SAMD8: variants seen among roughly 807,000 people sequenced by gnomAD.
SAMD8 encodes sterile alpha motif domain containing 8.
Under a neutral mutation model 42.0 loss-of-function variants are expected in SAMD8, and 20 were observed. The observed-to-expected ratio is 0.48, with a 90% CI of 0.34 to 0.69. The LOEUF is 0.69. Ranked by LOEUF, SAMD8 falls within the 30% of genes least tolerant of loss-of-function variation. The probability of loss-of-function intolerance (pLI) is 0.01; values close to 1 mark genes in which losing one functional copy is unlikely to be tolerated. For synonymous variants in SAMD8, 162 were observed against 173.0 expected (o/e 0.94, Z 0.50); for missense variants, 328 against 511.6 (o/e 0.64, Z 3.46).
At chr10:75,165,077 G>A (rs1840643677) in intron 3 of SAMD8, among the ~76,000 whole-genome samples, 1 of 150,106 alleles carries the variant, frequency 6.7e-6, no homozygotes, top group South Asian at 2.1e-4. Context: ...GATCACCTGA[G>A]GTTAGGAGTT....
In SAMD8 at chr10:75,111,729, G is replaced by A. The variant is rs969354816; in HGVS notation, c.-16+7G>A. 41 of 1,234,030 alleles carry A rather than the reference G, an allele frequency of 3.3e-5. No homozygotes were observed. Among genetic ancestry groups the A allele is most frequent in the Non-Finnish European group, 4.0e-5 (40 of 988,942 alleles). The allele number at this position is 1,234,030 out of a possible 1,614,324, so 76.4% of individuals were successfully genotyped here. A position where few individuals can be genotyped will look rare whatever the true frequency, so the allele number is the denominator to read the frequency against. On this transcript the variant is annotated splice_region_variant and intron_variant, in intron 1 of 5. Coordinates refer to ENST00000542569, the MANE Select transcript of SAMD8 (RefSeq NM_001174156.2). ...CCCGACTCGGACCGCGGAGGTGAGC[G>A]GGAGCTGAGGCTGAGGAGAGGGGAG...
chr10:75,112,463 G>A (rs937516460), intron 1 of SAMD8, among the ~76,000 whole-genome samples: 1 of 152,152 alleles, frequency 6.6e-6, no homozygotes, highest in African/African-American at 2.4e-5. Context: ...TTTCTCGTTC[G>A]TGCACAGTGG....
intron 2 of SAMD8, among the ~76,000 whole-genome samples, chr10:75,163,295 A>C (rs970662729): frequency 2.0e-5 from 3 of 152,160 alleles, no homozygotes; most frequent in Non-Finnish European, 4.4e-5. Context: ...AAAAGTTTTT[A>C]GTAGAAATGT....
chr10:75,139,385 G>T (rs1002907043), intron 1 of SAMD8, among the ~76,000 whole-genome samples: 1 of 152,062 alleles, frequency 6.6e-6, no homozygotes, highest in Non-Finnish European at 1.5e-5. Context: ...TCCACTTCTA[G>T]AAATTTAACC....
intron 1 of SAMD8, chr10:75,103,858 C>G (rs1848327890): frequency 7.8e-7 from 1 of 1,280,620 alleles, no homozygotes; most frequent in Non-Finnish European, 1.0e-6. Flanking sequence ...GGCCAAGAAG[C>G]CTGAGGGCTT....
At position 75,150,751 on chromosome 10, in the gene SAMD8, T is replaced by C. The variant is rs1370509863; in HGVS notation, c.223T>C (p.Leu75=). The change falls in exon 2 of 6, where the codon TTG becomes CTG. Residue 75 remains leucine (L), a synonymous_variant. Coordinates refer to ENST00000542569, the MANE Select transcript of SAMD8 (RefSeq NM_001174156.2). ...AAGGTTAATGCTCTCAGTCCGAAAA[T>C]TGCAGAAAATACATATTGATGTTTT... ...IKRLMLSVRK[L]QKIHIDVLEE... 1.9e-6 allele frequency: 3 copies of C among 1,614,174 alleles called. No homozygotes were observed. Among genetic ancestry groups the C allele is most frequent in the Non-Finnish European group, 2.5e-6 (3 of 1,180,032 alleles).
chr10:75,153,217 A>G (rs540322588), intron 2 of SAMD8, among the ~76,000 whole-genome samples: 3 of 151,918 alleles, frequency 2.0e-5, no homozygotes, highest in Non-Finnish European at 4.4e-5. Context: ...CCTGACCTCA[A>G]ATGATCCGCC....
At position 75,176,745 on chromosome 10, in the gene SAMD8, G is replaced by T. The variant is rs146376147; in HGVS notation, c.*53G>T. The T allele has an allele frequency of 7.4e-4, 1,005 of 1,350,546 alleles. 6 individuals are homozygous for T. The African/African-American group carries it at 0.012, about 16-fold the overall frequency. 83.7% of individuals were successfully genotyped at this position (1,350,546 alleles called of 1,614,324 possible). On this transcript the variant is annotated 3_prime_UTR_variant, in exon 6 of 6. Transcript: ENST00000542569. This position sits in a 1 kb window ranked among gnomAD's most constrained non-coding sequence, Gnocchi z 4.3. ...TAAATATATAATAGTTGTTGAAAATGAGTAACTTTGCGTTCTCCCCCTAGG... is the reference window on the plus strand; with the variant it reads ...TAAATATATAATAGTTGTTGAAAATTAGTAACTTTGCGTTCTCCCCCTAGG...
intron 3 of SAMD8, among the ~76,000 whole-genome samples, chr10:75,165,977 CAAAAAAAAAAAA>C (rs56839743): frequency 4.8e-5 from 3 of 62,532 alleles, no homozygotes; most frequent in Admixed American, 1.7e-4. Context: ...ACCCTGTCTC[CAAAAAAAAAAAA>C]AAAAAAAAAG....
At chr10:75,115,918 G>A (rs139930031) in intron 1 of SAMD8, among the ~76,000 whole-genome samples, 12,998 of 144,974 alleles carry the variant, frequency 0.09, 835 homozygotes, top group African/African-American at 0.18. Flanking sequence ...TCCAGCCTGG[G>A]CAACAGAGCG....
At chr10:75,117,718 A>C (rs984626886) in intron 1 of SAMD8, among the ~76,000 whole-genome samples, 1 of 152,156 alleles carries the variant, frequency 6.6e-6, no homozygotes, top group African/African-American at 2.4e-5. Flanking sequence ...ATGCTTTCTC[A>C]AACAAACAAA....
At chr10:75,161,192 G>A (rs1840550088) in intron 2 of SAMD8, among the ~76,000 whole-genome samples, 1 of 152,190 alleles carries the variant, frequency 6.6e-6, no homozygotes, top group Admixed American at 6.5e-5. Context: ...GATGAGAACA[G>A]AGCTGCCATG....
rs148645450 is a variant in SAMD8 at position 75,176,243 on chromosome 10, C to G, written c.943+27C>G. 1 of 1,613,962 alleles carries G rather than the reference C, an allele frequency of 6.2e-7. No individual in the cohort carries two copies. Among genetic ancestry groups the G allele is most frequent in the South Asian group, 1.1e-5 (1 of 91,062 alleles). Reference sequence around the variant, plus strand: ...TAAGTATCTTTTTAGTGCTTCTATGCGTATTAGGTAACTAGCTGCAGTGAA... The same window carrying G: ...TAAGTATCTTTTTAGTGCTTCTATGGGTATTAGGTAACTAGCTGCAGTGAA... On this transcript the variant is annotated intron_variant, in intron 5 of 5. Coordinates refer to ENST00000542569, the MANE Select transcript of SAMD8 (RefSeq NM_001174156.2). The surrounding 1 kb of genome is among the most constrained non-coding windows in gnomAD (Gnocchi z 4.3).
chr10:75,116,913 A>T (rs1396344081), intron 1 of SAMD8, among the ~76,000 whole-genome samples: 4 of 151,958 alleles, frequency 2.6e-5, no homozygotes, highest in Non-Finnish European at 5.9e-5. Flanking sequence ...GGGTTCAAGC[A>T]ATTCTCCCAC....
At chr10:75,172,183 T>A (rs1840883323) in intron 4 of SAMD8, among the ~76,000 whole-genome samples, 1 of 152,188 alleles carries the variant, frequency 6.6e-6, no homozygotes, top group Non-Finnish European at 1.5e-5. Context: ...TTTATGTTCT[T>A]ATTTTTTTAT....
chr10:75,105,783 G>A (rs774902253), intron 1 of SAMD8: 1 of 1,551,268 alleles, frequency 6.4e-7, no homozygotes, highest in Admixed American at 2.0e-5. Context: ...CCTGGCGCAG[G>A]GACAGCCGCT....
intron 2 of SAMD8, among the ~76,000 whole-genome samples, chr10:75,158,234 A>G (rs189174901): frequency 5.3e-5 from 8 of 152,070 alleles, no homozygotes; most frequent in African/African-American, 1.7e-4. Flanking sequence ...AGCAAAAAAT[A>G]AAAAAACAAA....
At chr10:75,122,645 C>A (rs1451867680) in intron 1 of SAMD8, among the ~76,000 whole-genome samples, 5 of 151,362 alleles carry the variant, frequency 3.3e-5, no homozygotes, top group African/African-American at 1.2e-4. Context: ...TGGCTGGGCA[C>A]TGTGGCTCTC....
At chr10:75,118,752 G>A (rs946315204) in intron 1 of SAMD8, among the ~76,000 whole-genome samples, 2 of 152,144 alleles carry the variant, frequency 1.3e-5, no homozygotes, top group African/African-American at 4.8e-5. Flanking sequence ...AAATAGTATG[G>A]AAAAAAGTTG....
Sources: allele counts gnomAD v4.1 joint callset (sites outside exome capture counted in the v4.1 genomes callset), GRCh38; gene constraint gnomAD v4.1.1; non-coding constraint Gnocchi (gnomAD v3.1); transcripts MANE v1.5; gene names NCBI Gene and HGNC (gene_info 2026-07-23, HGNC 2026-07-21).